FAF1: variants seen among roughly 807,000 people sequenced by gnomAD.
The protein encoded by FAF1 is FAS-associated factor 1.
A neutral mutation model predicts 92.5 loss-of-function variants in FAF1; 25 were observed. The ratio of observed to expected loss-of-function variants is 0.27; its 90% confidence interval spans 0.20 to 0.38. FAF1 has a LOEUF of 0.38. FAF1 is among the 10% of genes least tolerant of loss of function. The pLI, the probability that FAF1 is intolerant of heterozygous loss-of-function variation, is 1.00. For synonymous variants in FAF1, 234 were observed against 273.2 expected (o/e 0.86, Z 1.42); for missense variants, 636 against 793.3 (o/e 0.80, Z 2.38).
At chr1:50,492,027 C>T (rs1572781832) in intron 15 of FAF1, among the ~76,000 whole-genome samples, 2 of 152,244 alleles carry the variant, frequency 1.3e-5, no homozygotes, top group East Asian at 1.9e-4. Flanking sequence ...ACTGTGTGAC[C>T]TTGTATAAGT....
chr1:50,664,935 C>T (rs1374810257), intron 7 of FAF1, among the ~76,000 whole-genome samples: 1 of 152,224 alleles, frequency 6.6e-6, no homozygotes, highest in Non-Finnish European at 1.5e-5. Flanking sequence ...TTCCTCTGTA[C>T]ACTTTATGGA....
intron 7 of FAF1, among the ~76,000 whole-genome samples, chr1:50,664,477 A>G (rs543230534): frequency 2.2e-4 from 34 of 151,590 alleles, no homozygotes; most frequent in Middle Eastern, 3.4e-3. Context: ...CTAGAGAACT[A>G]TGTTTGAGCC....
chr1:50,692,241 C>CTCTGTGTGTG (rs1403550926), intron 7 of FAF1, among the ~76,000 whole-genome samples: 38 of 129,082 alleles, frequency 2.9e-4, no homozygotes, highest in African/African-American at 1.1e-3. Flanking sequence ...GAAGTATTTA[C>CTCTGTGTGTG]TGTGTGTGTG....
chr1:50,710,019 G>GT (rs767168648), intron 6 of FAF1, among the ~76,000 whole-genome samples: 3 of 152,186 alleles, frequency 2.0e-5, no homozygotes, highest in Non-Finnish European at 2.9e-5. Context: ...GTAAGGTGAT[G>GT]TGAAGAAAGG....
At chr1:50,506,066 G>A (rs1465001683) in intron 15 of FAF1, among the ~76,000 whole-genome samples, 1 of 152,098 alleles carries the variant, frequency 6.6e-6, no homozygotes, top group African/African-American at 2.4e-5. Context: ...AAAGGATTTT[G>A]CACCACAGAT....
chr1:50,902,600 C>A (rs938273741), intron 1 of FAF1, among the ~76,000 whole-genome samples: 1 of 152,152 alleles, frequency 6.6e-6, no homozygotes, highest in Non-Finnish European at 1.5e-5. Context: ...ATGCAGTTGT[C>A]TCTTGGTATC....
chr1:50,960,212 C>T lies in FAF1; in HGVS notation c.-401G>A, dbSNP rs1237488710. 3.0e-6 allele frequency: 1 copy of T among 329,428 alleles called. No individual in the cohort carries two copies. The highest frequency in any genetic ancestry group is 5.5e-6 in the Non-Finnish European group (1 of 180,406). 20.4% of individuals were successfully genotyped at this position (329,428 alleles called of 1,614,324 possible). On this transcript the variant is annotated 5_prime_UTR_variant, in exon 1 of 19. Coordinates refer to ENST00000396153, the MANE Select transcript of FAF1 (RefSeq NM_007051.3). ...AGCGAGCGAGCGGGCGGGCGAACGC[C>T]GCGGCCGCCTCCGCCTCCTCCGCTT...
intron 15 of FAF1, among the ~76,000 whole-genome samples, chr1:50,525,184 C>T (rs1017010787): frequency 6.6e-6 from 1 of 152,168 alleles, no homozygotes; most frequent in African/African-American, 2.4e-5. Context: ...CTGTGCCTGG[C>T]CCCCATATGT....
chr1:50,936,856 AG>A (rs1161421153), intron 1 of FAF1, among the ~76,000 whole-genome samples: 1 of 152,176 alleles, frequency 6.6e-6, no homozygotes. Flanking sequence ...AATAAAACAT[AG>A]GATCAATGAA....
At chr1:50,928,744 T>C (rs546223991) in intron 1 of FAF1, among the ~76,000 whole-genome samples, 19 of 143,914 alleles carry the variant, frequency 1.3e-4, no homozygotes, top group African/African-American at 3.7e-4. Context: ...AATCACGCCA[T>C]TGGACTCCAG....
intron 6 of FAF1, among the ~76,000 whole-genome samples, chr1:50,708,305 G>A (rs762294518): frequency 5.9e-5 from 9 of 152,108 alleles, no homozygotes; most frequent in Non-Finnish European, 1.2e-4. Flanking sequence ...GTCAAGTTCA[G>A]AATATATTTT....
At chr1:50,912,779 G>C (rs1644895022) in intron 1 of FAF1, among the ~76,000 whole-genome samples, 1 of 152,084 alleles carries the variant, frequency 6.6e-6, no homozygotes, top group Admixed American at 6.5e-5. Flanking sequence ...TTTAGTATTT[G>C]AAAATATCAA....
At chr1:50,874,652 C>T (rs898671117) in intron 1 of FAF1, among the ~76,000 whole-genome samples, 26 of 151,990 alleles carry the variant, frequency 1.7e-4, no homozygotes, top group South Asian at 4.1e-4. Context: ...AGCCACCATG[C>T]ACAGCCAACT....
At chr1:50,745,251 A>C (rs1353478806) in intron 4 of FAF1, among the ~76,000 whole-genome samples, 1 of 152,222 alleles carries the variant, frequency 6.6e-6, no homozygotes, top group Non-Finnish European at 1.5e-5. Context: ...CAGTGAGCCG[A>C]GATCGTGCCA....
intron 2 of FAF1, among the ~76,000 whole-genome samples, chr1:50,819,694 TATATATATAC>T (rs1644016500): frequency 4.9e-5 from 3 of 60,812 alleles, no homozygotes; most frequent in Non-Finnish European, 6.7e-5. Context: ...TATATATACA[TATATATATAC>T]ATATATATAT....
chr1:50,545,704 A>G (rs1276530738), intron 13 of FAF1, among the ~76,000 whole-genome samples: 1 of 152,278 alleles, frequency 6.6e-6, no homozygotes, highest in Non-Finnish European at 1.5e-5. Flanking sequence ...CACTGTTAGT[A>G]TAAGTGAAAC....
intron 8 of FAF1, among the ~76,000 whole-genome samples, chr1:50,635,729 C>A (rs1653979357): frequency 6.6e-6 from 1 of 152,158 alleles, no homozygotes; most frequent in African/African-American, 2.4e-5. Context: ...GTATAGATGC[C>A]ATTTAGCTCA....
intron 1 of FAF1, among the ~76,000 whole-genome samples, chr1:50,926,773 CA>C (rs960370047): frequency 1.3e-5 from 2 of 152,052 alleles, no homozygotes; most frequent in African/African-American, 4.8e-5. Context: ...GTTATGTACC[CA>C]AAAGACTTTT....
At chr1:50,739,089 C>T in intron 5 of FAF1, 135 bp from the exon 6 acceptor site, 1 of 579,716 alleles carries the variant, frequency 1.7e-6, no homozygotes. Context: ...TAGGGTAATG[C>T]AAAAGAACTA....
Sources: allele counts gnomAD v4.1 joint callset (sites outside exome capture counted in the v4.1 genomes callset), GRCh38; gene constraint gnomAD v4.1.1; transcripts MANE v1.5; gene names NCBI Gene and HGNC (gene_info 2026-07-23, HGNC 2026-07-21).